SUZ12: variants seen among roughly 807,000 people sequenced by gnomAD.
The protein encoded by SUZ12 is polycomb protein SUZ12.
A neutral mutation model predicts 87.3 loss-of-function variants in SUZ12; 17 were observed. The ratio of observed to expected loss-of-function variants is 0.19; its 90% CI spans 0.13 to 0.29. The LOEUF (loss-of-function observed/expected upper bound fraction) is 0.29, where lower values mean the gene tolerates loss of function less well. Among genes scored for constraint, SUZ12 ranks in the 10% least tolerant of loss-of-function variants. The pLI is 1.00. For missense variants in SUZ12, 526 were observed against 912.2 expected, an observed-to-expected ratio of 0.58 and a Z score of 5.45; for synonymous variants, 253 against 312.4, an observed-to-expected ratio of 0.81 and a Z score of 2.01.
chr17:31,952,573 GT>G (rs901278419), intron 4 of SUZ12, among the ~76,000 whole-genome samples: 5 of 151,964 alleles, frequency 3.3e-5, no homozygotes, highest in African/African-American at 1.2e-4. Context: ...TTTTGTTGCT[GT>G]TTTTTTGAGA....
intron 3 of SUZ12, among the ~76,000 whole-genome samples, chr17:31,944,453 T>C (rs558715505): frequency 6.6e-6 from 1 of 152,300 alleles, no homozygotes; most frequent in East Asian, 1.9e-4. Context: ...AAAATCTAAG[T>C]TCCATTTTCC....
intron 3 of SUZ12, among the ~76,000 whole-genome samples, chr17:31,944,374 C>T (rs1327892394): frequency 1.3e-5 from 2 of 151,908 alleles, no homozygotes; most frequent in African/African-American, 4.8e-5. Flanking sequence ...GTGATCTGCC[C>T]ACCTCGGACT....
chr17:31,996,991 A>C, intron 15 of SUZ12, 114 bp downstream of exon 15: 1 of 724,520 alleles, frequency 1.4e-6, no homozygotes, highest in Non-Finnish European at 2.0e-6. Flanking sequence ...CCATTAATGT[A>C]TATTTGTCCC....
chr17:31,971,679 C>T (rs1484586262), intron 5 of SUZ12, among the ~76,000 whole-genome samples: 2 of 152,006 alleles, frequency 1.3e-5, no homozygotes, highest in African/African-American at 2.4e-5. Context: ...ATCCACCTGC[C>T]TCGGCCTCCC....
chr17:32,000,667 TG>T lies in SUZ12; in HGVS notation c.*1665del, dbSNP rs1910213070. The stretch of plus-strand genomic sequence containing the variant: ...AAAAAAAAGATTATTTTAGGGGAGA[TG>T]TAGGTGTAGAATTATTGCTTATGTC... On this transcript the variant is annotated 3_prime_UTR_variant, in exon 16 of 16. Coordinates refer to ENST00000322652, the MANE Select transcript of SUZ12 (RefSeq NM_015355.4). 4.3e-6 allele frequency: 1 copy of T among 230,594 alleles called. No individual in the cohort carries two copies. Among genetic ancestry groups the T allele is most frequent in the African/African-American group, 2.2e-5 (1 of 44,920 alleles). The allele number at this position is 230,594 out of a possible 1,614,324, so 14.3% of individuals were successfully genotyped here. A position where few individuals can be genotyped will look rare whatever the true frequency, so the allele number is the denominator to read the frequency against.
At chr17:31,976,733 A>C in intron 8 of SUZ12, 119 bp downstream of exon 8, 1 of 776,712 alleles carries the variant, frequency 1.3e-6, no homozygotes, top group Admixed American at 3.2e-5. Context: ...ATTCTTACGG[A>C]TGAAAAAACA....
intron 15 of SUZ12, among the ~76,000 whole-genome samples, chr17:31,997,734 C>G (rs1052984110): frequency 5.4e-5 from 8 of 148,936 alleles, no homozygotes; most frequent in African/African-American, 2.0e-4. Flanking sequence ...GAAGGCAAGA[C>G]AGAGCTGTAG....
chr17:31,983,274 CTT>C (rs10681815), intron 9 of SUZ12, among the ~76,000 whole-genome samples, 170 bp downstream of exon 9: 16 of 118,178 alleles, frequency 1.4e-4, no homozygotes, highest in Admixed American at 3.6e-4. Context: ...AGGTATCATT[CTT>C]TTTTTTTTTT....
chr17:31,990,960 T>G (rs1485863804), intron 10 of SUZ12, among the ~76,000 whole-genome samples: 1 of 152,066 alleles, frequency 6.6e-6, no homozygotes, highest in East Asian at 1.9e-4. Flanking sequence ...TCACCCATGC[T>G]GGTCTCAAAC....
chr17:31,990,237 T>A (rs983617871), intron 10 of SUZ12, among the ~76,000 whole-genome samples: 1 of 149,580 alleles, frequency 6.7e-6, no homozygotes, highest in South Asian at 2.1e-4. Context: ...CCTCCCAAAG[T>A]GCTGAGATTA....
intron 4 of SUZ12, among the ~76,000 whole-genome samples, chr17:31,958,923 C>A (rs2142148208): frequency 6.6e-6 from 1 of 152,268 alleles, no homozygotes; most frequent in African/African-American, 2.4e-5. Flanking sequence ...GAGGCTGAGG[C>A]AGGAGAATTG....
Position 31,946,123 on chromosome 17 carries a change from C to G in SUZ12, c.387-1494C>G, listed in dbSNP as rs573997265. Among the ~76,000 whole-genome samples the G allele has an allele frequency of 2.3e-3, 354 of 152,196 alleles. 1 individual carries two copies. Among genetic ancestry groups the G allele is most frequent in the Middle Eastern group, 3.4e-3 (1 of 294 alleles). Reference sequence around the variant, plus strand: ...TCCCTTAAGATCTTTACTATGGAGGCTCTTCTCATTCACTTGAAATATAGA... The same window carrying G: ...TCCCTTAAGATCTTTACTATGGAGGGTCTTCTCATTCACTTGAAATATAGA... On this transcript the variant is annotated intron_variant, in intron 3 of 15. Coordinates refer to ENST00000322652, the MANE Select transcript of SUZ12 (RefSeq NM_015355.4).
chr17:31,956,577 A>G (rs1382939472), intron 4 of SUZ12, among the ~76,000 whole-genome samples: 1 of 152,084 alleles, frequency 6.6e-6, no homozygotes, highest in African/African-American at 2.4e-5. Flanking sequence ...TAGGATTGTA[A>G]TCTGAGTTCC....
chr17:31,957,413 T>C (rs1907416834), intron 4 of SUZ12, among the ~76,000 whole-genome samples: 1 of 151,752 alleles, frequency 6.6e-6, no homozygotes, highest in South Asian at 2.1e-4. Context: ...ATAATTTTTG[T>C]ATTCTTTTTT....
chr17:31,951,417 C>T (rs1424975586), intron 4 of SUZ12, among the ~76,000 whole-genome samples: 1 of 151,638 alleles, frequency 6.6e-6, no homozygotes, highest in African/African-American at 2.4e-5. Context: ...TCTTAAGTCA[C>T]TTGCAGAAAC....
intron 4 of SUZ12, among the ~76,000 whole-genome samples, chr17:31,954,148 C>T (rs550233005): frequency 4.6e-5 from 7 of 151,948 alleles, no homozygotes; most frequent in East Asian, 1.9e-4. Context: ...CTGCAACCTC[C>T]GCCTCCTGGG....
intron 8 of SUZ12, among the ~76,000 whole-genome samples, chr17:31,979,776 T>G (rs1908990508): frequency 6.6e-6 from 1 of 152,226 alleles, no homozygotes; most frequent in South Asian, 2.1e-4. Context: ...CATATAATTC[T>G]TATGCTAATA....
chr17:31,941,224 C>T (rs1353565686), intron 3 of SUZ12, among the ~76,000 whole-genome samples: 1 of 150,214 alleles, frequency 6.7e-6, no homozygotes, highest in Non-Finnish European at 1.5e-5. Context: ...GCCTCAGCCT[C>T]CTTATTTTTT....
intron 4 of SUZ12, among the ~76,000 whole-genome samples, chr17:31,962,787 A>C (rs1672096695): frequency 6.6e-6 from 1 of 152,244 alleles, no homozygotes; most frequent in African/African-American, 2.4e-5. Flanking sequence ...TAGACAAAAG[A>C]TTTGGTAGGT....
Sources: allele counts gnomAD v4.1 joint callset (sites outside exome capture counted in the v4.1 genomes callset), GRCh38; gene constraint gnomAD v4.1.1; transcripts MANE v1.5; gene names NCBI Gene and HGNC (gene_info 2026-07-23, HGNC 2026-07-21).